Variants in WHRN observed in about 807,000 individuals in gnomAD.
WHRN encodes the protein whirlin.
WHRN carries 41 observed loss-of-function variants against 68.3 expected under a neutral mutation model. The observed-to-expected ratio is 0.60, with a 90% confidence interval of 0.47 to 0.78. The LOEUF is 0.78. WHRN is among the 30% of genes least tolerant of loss of function. The pLI is 0.00. For synonymous variants in WHRN, 560 were observed against 561.3 expected (o/e 1.00, Z 0.03); for missense variants, 1,243 against 1,244.7 (o/e 1.00, Z 0.02).
At position 114,498,694 on chromosome 9, in the gene WHRN, A is replaced by G. The variant is rs559825466; in HGVS notation, c.618+5490T>C. Among the ~76,000 whole-genome samples, 7 of 152,322 alleles carry G rather than the reference A, an allele frequency of 4.6e-5. No individual in the cohort carries two copies. The East Asian group carries it at 1.4e-3, about 29-fold the overall frequency. On this transcript the variant is annotated intron_variant, in intron 1 of 11. Coordinates refer to ENST00000362057, the MANE Select transcript of WHRN (RefSeq NM_015404.4). ...AAGTACAAAATGTGACATCTGCCAC[A>G]CTTTCTAGTAAGCGGACTGGCTGGC...
chr9:114,415,412 G>A (rs1480306475), intron 7 of WHRN, among the ~76,000 whole-genome samples: 2 of 152,012 alleles, frequency 1.3e-5, no homozygotes, highest in Non-Finnish European at 2.9e-5. Flanking sequence ...TGACACTCCA[G>A]CCCTACTGGT....
intron 3 of WHRN, among the ~76,000 whole-genome samples, chr9:114,447,760 TTCTCTCTC>T (rs56013921): frequency 6.6e-6 from 1 of 151,280 alleles, no homozygotes. Context: ...CTCACACACT[TTCTCTCTC>T]TCTCTTTCTC....
At chr9:114,440,362 G>A (rs947736322) in intron 3 of WHRN, among the ~76,000 whole-genome samples, 66 of 152,074 alleles carry the variant, frequency 4.3e-4, no homozygotes, top group Middle Eastern at 3.4e-3. Flanking sequence ...TTAGCGTCTC[G>A]AGTAGCTGGG....
intron 3 of WHRN, among the ~76,000 whole-genome samples, chr9:114,439,687 A>T (rs1000180566): frequency 6.6e-6 from 1 of 152,116 alleles, no homozygotes; most frequent in Non-Finnish European, 1.5e-5. Context: ...TTATATGTAT[A>T]CAGTTGACCC....
intron 7 of WHRN, among the ~76,000 whole-genome samples, chr9:114,410,095 T>C (rs1835325716): frequency 6.6e-6 from 1 of 152,164 alleles, no homozygotes; most frequent in African/African-American, 2.4e-5. Context: ...GGTTCATTCC[T>C]TCACTTTGTT....
At chr9:114,496,023 T>A (rs186057572) in intron 1 of WHRN, among the ~76,000 whole-genome samples, 1 of 152,210 alleles carries the variant, frequency 6.6e-6, no homozygotes, top group Non-Finnish European at 1.5e-5. Context: ...CCTTTTCAGA[T>A]GTAGCTCAAA....
At chr9:114,488,152 T>G (rs941246477) in intron 1 of WHRN, among the ~76,000 whole-genome samples, 3 of 152,174 alleles carry the variant, frequency 2.0e-5, no homozygotes, top group South Asian at 2.1e-4. Context: ...TTCAGACAAG[T>G]TACTTAACTT....
chr9:114,500,722 T>C (rs1197963540), intron 1 of WHRN, among the ~76,000 whole-genome samples: 3 of 152,156 alleles, frequency 2.0e-5, no homozygotes, highest in South Asian at 2.1e-4. Flanking sequence ...AGCAAGTGAA[T>C]TTGATTTTGA....
intron 3 of WHRN, among the ~76,000 whole-genome samples, chr9:114,449,794 T>A (rs1160334852): frequency 6.6e-6 from 1 of 152,218 alleles, no homozygotes; most frequent in Non-Finnish European, 1.5e-5. Flanking sequence ...TGCAGATCAG[T>A]CTTGCCACAA....
chr9:114,424,901 A>G, intron 5 of WHRN, 87 bp downstream of exon 5: 1 of 1,418,152 alleles, frequency 7.1e-7, no homozygotes, highest in African/African-American at 1.4e-5. Flanking sequence ...GAGGTAGTGT[A>G]AGTCACTCGG....
chr9:114,435,980 C>T (rs1269826132), intron 3 of WHRN, among the ~76,000 whole-genome samples: 1 of 152,226 alleles, frequency 6.6e-6, no homozygotes, highest in Middle Eastern at 3.2e-3. Flanking sequence ...TCGGCTCTCT[C>T]TCAGCTCACT....
intron 1 of WHRN, among the ~76,000 whole-genome samples, chr9:114,490,247 G>A (rs1027130179): frequency 6.6e-6 from 1 of 152,188 alleles, no homozygotes; most frequent in Non-Finnish European, 1.5e-5. Flanking sequence ...ATCATTAAAC[G>A]CAATGACAAC....
chr9:114,427,380 T>G (rs1320817016), intron 3 of WHRN, among the ~76,000 whole-genome samples: 1 of 152,220 alleles, frequency 6.6e-6, no homozygotes, highest in African/African-American at 2.4e-5. Context: ...CTGCAGGGTA[T>G]GATGGGACCG....
At chr9:114,499,379 TA>T (rs1483449032) in intron 1 of WHRN, among the ~76,000 whole-genome samples, 2 of 152,188 alleles carry the variant, frequency 1.3e-5, no homozygotes, top group Non-Finnish European at 2.9e-5. Flanking sequence ...CTCAGGAATT[TA>T]AAAAAGAAGT....
chr9:114,463,530 T>C (rs1403160987), intron 3 of WHRN, among the ~76,000 whole-genome samples: 1 of 152,128 alleles, frequency 6.6e-6, no homozygotes, highest in Non-Finnish European at 1.5e-5. Flanking sequence ...GGAGAAACTG[T>C]GAATAAGGCC....
At chr9:114,425,259 G>A (rs914724836) in intron 4 of WHRN, 9 of 662,148 alleles carry the variant, frequency 1.4e-5, no homozygotes, top group East Asian at 2.7e-5. Flanking sequence ...AAAACCACCC[G>A]AGGTGGGCTC....
At chr9:114,499,079 T>C (rs980927439) in intron 1 of WHRN, among the ~76,000 whole-genome samples, 3 of 152,246 alleles carry the variant, frequency 2.0e-5, no homozygotes, top group African/African-American at 4.8e-5. Flanking sequence ...GAAATCTCTG[T>C]ATCTTCTGTT....
intron 1 of WHRN, 61 bp downstream of exon 1, chr9:114,504,123 G>GA: frequency 6.2e-7 from 1 of 1,610,890 alleles, no homozygotes; most frequent in East Asian, 2.2e-5. Context: ...TGGAGTTACT[G>GA]AAAAAGCTGT....
intron 3 of WHRN, among the ~76,000 whole-genome samples, chr9:114,428,744 GA>G (rs1251903372): frequency 6.6e-6 from 1 of 152,050 alleles, no homozygotes; most frequent in Non-Finnish European, 1.5e-5. Flanking sequence ...AGCCAGATCT[GA>G]AAACTTCATC....
Sources: allele counts gnomAD v4.1 joint callset (sites outside exome capture counted in the v4.1 genomes callset), GRCh38; gene constraint gnomAD v4.1.1; transcripts MANE v1.5; gene names NCBI Gene and HGNC (gene_info 2026-07-23, HGNC 2026-07-21).